Variants in FBN2 observed in about 807,000 individuals in gnomAD.
FBN2 encodes the protein fibrillin 2, also known as fibrillin-2.
A neutral mutation model predicts 355.6 loss-of-function variants in FBN2; 105 were observed. The observed-to-expected ratio is 0.30, with a 90% CI of 0.25 to 0.35. The LOEUF (loss-of-function observed/expected upper bound fraction) is 0.35. FBN2 is among the 10% of genes least tolerant of loss of function. The pLI is 1.00. For synonymous variants in FBN2, 1,350 were observed against 1,301.2 expected (o/e 1.04, Z -0.81); for missense variants, 3,280 against 3,758.7 (o/e 0.87, Z 3.33).
At chr5:128,270,122 T>C (rs1052067092) in intron 62 of FBN2, among the ~76,000 whole-genome samples, 3 of 152,174 alleles carry the variant, frequency 2.0e-5, no homozygotes, top group African/African-American at 7.2e-5. Context: ...TAAATGGTGC[T>C]GGGAAAGCTG....
intron 6 of FBN2, among the ~76,000 whole-genome samples, chr5:128,450,301 T>C (rs953318045): frequency 2.0e-5 from 3 of 152,050 alleles, no homozygotes; most frequent in South Asian, 4.1e-4. Context: ...AAAAGGTTCA[T>C]TAAATGTAAA....
chr5:128,485,029 C>CTTT (rs60338249), intron 5 of FBN2, among the ~76,000 whole-genome samples: 38 of 149,370 alleles, frequency 2.5e-4, no homozygotes, highest in African/African-American at 4.6e-4. Context: ...CACAAGGAAA[C>CTTT]TTTTTTTTTT....
At chr5:128,478,406 T>C (rs747141637) in intron 5 of FBN2, among the ~76,000 whole-genome samples, 2 of 152,218 alleles carry the variant, frequency 1.3e-5, no homozygotes, top group African/African-American at 4.8e-5. Flanking sequence ...AAATGTATTG[T>C]TATTTTTTTC....
At chr5:128,361,877 T>C in intron 18 of FBN2, 29 bp from the exon 19 acceptor site, 1 of 1,610,206 alleles carries the variant, frequency 6.2e-7, no homozygotes, top group Non-Finnish European at 8.5e-7. Flanking sequence ...AGATAGGAGA[T>C]ACACATATTT....
intron 5 of FBN2, among the ~76,000 whole-genome samples, chr5:128,514,381 CT>C (rs1174378414): frequency 6.6e-6 from 1 of 152,062 alleles, no homozygotes; most frequent in Admixed American, 6.6e-5. Context: ...AGCTCTCTTA[CT>C]TTTTGTTCCT....
intron 49 of FBN2, 23 bp from the exon 50 acceptor site, chr5:128,290,907 C>T (rs1370684183): frequency 1.2e-6 from 2 of 1,609,596 alleles, no homozygotes; most frequent in East Asian, 2.2e-5. Context: ...GCAAACATTA[C>T]AGATGGAATT....
At chr5:128,375,231 T>C (rs1010287161) in intron 14 of FBN2, among the ~76,000 whole-genome samples, 4 of 152,220 alleles carry the variant, frequency 2.6e-5, no homozygotes, top group African/African-American at 9.7e-5. Flanking sequence ...CCCCAAAAGA[T>C]GAAAGAGACT....
At position 128,277,201 on chromosome 5, in the gene FBN2, T is replaced by A. The variant is rs185171612; in HGVS notation, c.7471+679A>T. Among the ~76,000 whole-genome samples, 763 of 152,152 alleles carry A rather than the reference T, an allele frequency of 5.0e-3. 8 individuals are homozygous for A. The highest frequency in any genetic ancestry group is 0.018 in the African/African-American group (728 of 41,522). ...AATGAAATATAAAGGAGAAAAAAAA[T>A]TTTTTCTTTAATAAAAATGAAGTTG... On this transcript the variant is annotated intron_variant, in intron 58 of 64. Transcript: ENST00000262464.
chr5:128,484,285 T>C (rs1204645565), intron 5 of FBN2, among the ~76,000 whole-genome samples: 2 of 152,180 alleles, frequency 1.3e-5, no homozygotes, highest in Non-Finnish European at 2.9e-5. Flanking sequence ...AAAGTCATAA[T>C]AGAAGAGATT....
At chr5:128,368,321 C>T (rs1268717502) in intron 16 of FBN2, among the ~76,000 whole-genome samples, 1 of 150,920 alleles carries the variant, frequency 6.6e-6, no homozygotes, top group African/African-American at 2.4e-5. Flanking sequence ...TGTTATTGAC[C>T]TAAGAGTTTG....
At chr5:128,436,083 T>C (rs1489135530) in intron 7 of FBN2, among the ~76,000 whole-genome samples, 3 of 152,216 alleles carry the variant, frequency 2.0e-5, no homozygotes, top group African/African-American at 7.2e-5. Context: ...ACCGTCAAGG[T>C]GCTGTCCAAG....
At position 128,355,377 on chromosome 5, in the gene FBN2, C is replaced by T. The variant is rs75952882; in HGVS notation, c.2674+1899G>A. ...ATTAATCAAATGCATTGTTCTATTA[C>T]ATTTAACCATATTCAACCAGAACAC... On this transcript the variant is annotated intron_variant, in intron 20 of 64. Coordinates refer to ENST00000262464, the MANE Select transcript of FBN2 (RefSeq NM_001999.4). 6.9e-3 allele frequency among the ~76,000 whole-genome samples: 1,056 copies of T among 152,274 alleles called. 9 individuals carry two copies. The highest frequency in any genetic ancestry group is 0.024 in the African/African-American group (1,000 of 41,558).
chr5:128,413,924 A>G (rs1009363594), intron 7 of FBN2, among the ~76,000 whole-genome samples: 1 of 152,172 alleles, frequency 6.6e-6, no homozygotes, highest in African/African-American at 2.4e-5. Flanking sequence ...ACTTATTCGT[A>G]TACTGTTTGA....
chr5:128,472,403 G>T (rs1219088904), intron 5 of FBN2, among the ~76,000 whole-genome samples: 4 of 152,104 alleles, frequency 2.6e-5, no homozygotes, highest in African/African-American at 9.7e-5. Context: ...GGGGTAAGGA[G>T]ATTTCTGTTT....
At chr5:128,339,379 A>T (rs762092468) in intron 25 of FBN2, among the ~76,000 whole-genome samples, 2 of 152,122 alleles carry the variant, frequency 1.3e-5, no homozygotes, top group Non-Finnish European at 2.9e-5. Flanking sequence ...GCACTTGGGG[A>T]AGCCCAGGCA....
rs367752427 is a variant in FBN2 at position 128,338,199 on chromosome 5, T to C, written c.3473-77A>G. Reference sequence around the variant, plus strand: ...CACACATACAGCGTGGGAGAAAGAATATTATCTGATGTGAGAGTGTGAGTT... The same window carrying C: ...CACACATACAGCGTGGGAGAAAGAACATTATCTGATGTGAGAGTGTGAGTT... On this transcript the variant is annotated intron_variant, in intron 26 of 64. Coordinates refer to ENST00000262464, the MANE Select transcript of FBN2 (RefSeq NM_001999.4). 36 of 1,389,066 alleles carry C rather than the reference T, an allele frequency of 2.6e-5. 1 individual carries two copies. In the South Asian group the frequency reaches 4.1e-4, roughly 16 times the overall value. The allele number at this position is 1,389,066 out of a possible 1,614,324, so 86.0% of individuals were successfully genotyped here. A position where few individuals can be genotyped will look rare whatever the true frequency, so the allele number is the denominator to read the frequency against.
intron 4 of FBN2, among the ~76,000 whole-genome samples, chr5:128,524,556 CA>C (rs1333431831): frequency 1.4e-4 from 21 of 152,228 alleles, no homozygotes; most frequent in Admixed American, 1.4e-3. Context: ...AGCAGCTAAG[CA>C]GTCTAAATGT....
chr5:128,283,931 GA>G (rs1749058298), intron 55 of FBN2, among the ~76,000 whole-genome samples: 1 of 152,094 alleles, frequency 6.6e-6, no homozygotes, highest in Non-Finnish European at 1.5e-5. Context: ...CAATCCATCA[GA>G]AATCCAATCT....
intron 5 of FBN2, among the ~76,000 whole-genome samples, chr5:128,465,153 C>A (rs1581320654): frequency 6.6e-6 from 1 of 152,338 alleles, no homozygotes; most frequent in East Asian, 1.9e-4. Flanking sequence ...AGGGCTGTGT[C>A]TGGGATACAG....
Sources: allele counts gnomAD v4.1 joint callset (sites outside exome capture counted in the v4.1 genomes callset), GRCh38; gene constraint gnomAD v4.1.1; transcripts MANE v1.5; gene names NCBI Gene and HGNC (gene_info 2026-07-23, HGNC 2026-07-21).